The following SLC38A4 variants were observed in gnomAD, a reference collection of about 807,000 sequenced individuals.
SLC38A4 encodes sodium-coupled neutral amino acid transporter 4.
Under a neutral mutation model 63.1 loss-of-function variants are expected in SLC38A4, and 20 were observed. The ratio of observed to expected loss-of-function variants is 0.32; its 90% CI spans 0.22 to 0.46. SLC38A4 has a LOEUF of 0.46. Ranked by LOEUF, SLC38A4 falls within the 20% of genes least tolerant of loss-of-function variation. The probability of loss-of-function intolerance (pLI) is 1.00; values close to 1 mark genes in which losing one functional copy is unlikely to be tolerated. For missense variants in SLC38A4, 526 were observed against 663.6 expected (o/e 0.79, Z 2.28); for synonymous variants, 230 against 225.5 (o/e 1.02, Z -0.18).
At position 46,778,345 on chromosome 12, in the gene SLC38A4, T is replaced by C; in HGVS notation, c.1017A>G (p.Leu339=). The C allele has an allele frequency of 6.2e-7, 1 of 1,612,658 alleles. No individual in the cohort carries two copies. The highest frequency in any genetic ancestry group is 8.5e-7 in the Non-Finnish European group (1 of 1,179,152). The change falls in exon 12 of 17, where the codon CTA becomes CTG. Residue 339 remains leucine, a synonymous_variant. Coordinates refer to ENST00000266579, the MANE Select transcript of SLC38A4 (RefSeq NM_018018.5). ...CAGGGTGGCATACAAAAGCAAATAC[T>C]AGGATAGGAATTGCATAGGCCGTCT... ...NSRTAYAIPI[L]VFAFVCHPEV...
chr12:46,817,602 G>C (rs888419803), intron 1 of SLC38A4, among the ~76,000 whole-genome samples: 4 of 151,642 alleles, frequency 2.6e-5, no homozygotes, highest in Non-Finnish European at 2.9e-5. Context: ...CAGTTCTAAG[G>C]CCTTACCTGA....
chr12:46,813,048 T>G (rs1002102854), intron 1 of SLC38A4, among the ~76,000 whole-genome samples: 1 of 151,982 alleles, frequency 6.6e-6, no homozygotes, highest in African/African-American at 2.4e-5. Context: ...ATATCTATTA[T>G]GCACCCAGAA....
intron 13 of SLC38A4, among the ~76,000 whole-genome samples, chr12:46,775,383 G>A (rs960927186): frequency 6.6e-6 from 1 of 152,008 alleles, no homozygotes; most frequent in South Asian, 2.1e-4. Flanking sequence ...GTTGCAGAAG[G>A]TATAATACAA....
chr12:46,827,841 C>T (rs1172662727), upstream of SLC38A4, among the ~76,000 whole-genome samples: 3 of 152,138 alleles, frequency 2.0e-5, no homozygotes, highest in East Asian at 5.8e-4. Flanking sequence ...GTTTTAAATC[C>T]TAACATTAAA....
chr12:46,818,968 A>G (rs1939490834), intron 1 of SLC38A4, among the ~76,000 whole-genome samples: 1 of 151,796 alleles, frequency 6.6e-6, no homozygotes, highest in Non-Finnish European at 1.5e-5. Flanking sequence ...AAAATTAGGC[A>G]ACATATAGCC....
chr12:46,793,197 A>C lies in SLC38A4; in HGVS notation c.-112-14T>G. 1.6e-6 allele frequency: 1 copy of C among 632,200 alleles called. No individual in the cohort carries two copies. Among genetic ancestry groups the C allele is most frequent in the East Asian group, 2.7e-5 (1 of 37,358 alleles). 39.2% of individuals were successfully genotyped at this position (632,200 alleles called of 1,614,324 possible). A position where few individuals can be genotyped will look rare whatever the true frequency, so the allele number is the denominator to read the frequency against. ...GAACACTCTGTTCTGCAAACAGAAC[A>C]CAACATACATCATTATAATTTTATT... is the stretch of plus-strand genomic sequence containing the variant. On this transcript the variant is annotated splice_polypyrimidine_tract_variant and intron_variant, in intron 2 of 16. Transcript: ENST00000266579.
chr12:46,813,598 A>AT (rs1289995183), intron 1 of SLC38A4, among the ~76,000 whole-genome samples: 1 of 151,984 alleles, frequency 6.6e-6, no homozygotes, highest in Non-Finnish European at 1.5e-5. Context: ...GCACTGTAAC[A>AT]TATTTGTTTA....
intron 14 of SLC38A4, among the ~76,000 whole-genome samples, chr12:46,771,540 C>T (rs180408): frequency 2.0e-5 from 3 of 151,860 alleles, no homozygotes; most frequent in Non-Finnish European, 4.4e-5. Context: ...AAGTTTATGG[C>T]AATAATAGGT....
intron 7 of SLC38A4, among the ~76,000 whole-genome samples, chr12:46,783,390 G>A (rs1476214878): frequency 1.3e-5 from 2 of 151,892 alleles, no homozygotes; most frequent in African/African-American, 4.8e-5. Context: ...AAATAATAAA[G>A]GCATGCTGAA....
chr12:46,818,763 G>A (rs1939487306), intron 1 of SLC38A4, among the ~76,000 whole-genome samples: 1 of 151,774 alleles, frequency 6.6e-6, no homozygotes, highest in South Asian at 2.1e-4. Flanking sequence ...GTAGCCATGT[G>A]GGACAATTTT....
chr12:46,766,683 A>G lies in SLC38A4; in HGVS notation c.*18T>C, dbSNP rs1239028650. 6.7e-6 allele frequency: 10 copies of G among 1,488,898 alleles called. No homozygotes were observed. Among genetic ancestry groups the G allele is most frequent in the Non-Finnish European group, 9.3e-6 (10 of 1,069,726 alleles). 92.2% of individuals were successfully genotyped at this position (1,488,898 alleles called of 1,614,324 possible). On this transcript the variant is annotated 3_prime_UTR_variant, in exon 17 of 17. Transcript: ENST00000266579. Reference sequence around the variant, plus strand: ...TTGTAACCATTTCCAATAGAAAAAGAAAGTATTTTTCCTTGTGTTAGTGAT... The same window carrying G: ...TTGTAACCATTTCCAATAGAAAAAGGAAGTATTTTTCCTTGTGTTAGTGAT...
intron 13 of SLC38A4, 47 bp downstream of exon 13, chr12:46,776,857 G>A (rs1477125182): frequency 5.2e-6 from 8 of 1,545,958 alleles, no homozygotes; most frequent in Admixed American, 1.7e-5. Flanking sequence ...TCAAGGACCA[G>A]CCTAACAAGG....
chr12:46,786,459 A>G (rs1938763178), intron 5 of SLC38A4, among the ~76,000 whole-genome samples: 1 of 152,060 alleles, frequency 6.6e-6, no homozygotes. Context: ...AAAAAGTGGA[A>G]CATTCTTCTC....
Position 46,766,442 on chromosome 12 carries a change from C to T in SLC38A4, c.*259G>A, listed in dbSNP as rs188922991. On this transcript the variant is annotated 3_prime_UTR_variant, in exon 17 of 17. Coordinates refer to ENST00000266579, the MANE Select transcript of SLC38A4 (RefSeq NM_018018.5). The stretch of plus-strand genomic sequence containing the variant: ...TGCTCGTAAAGCAGCAAAAATACAC[C>T]TTCATCATCTCACACTGCTCTAGCA... 4.7e-5 allele frequency: 27 copies of T among 579,584 alleles called. 1 individual carries two copies. In the East Asian group the frequency reaches 1.0e-3, roughly 22 times the overall value. 35.9% of individuals were successfully genotyped at this position (579,584 alleles called of 1,614,324 possible).
chr12:46,778,074 C>G (rs1256813965), intron 12 of SLC38A4, among the ~76,000 whole-genome samples: 1 of 151,882 alleles, frequency 6.6e-6, no homozygotes, highest in African/African-American at 2.4e-5. Context: ...CTCCCCTGAA[C>G]CATTATGGTG....
intron 2 of SLC38A4, among the ~76,000 whole-genome samples, chr12:46,802,331 C>T (rs1241535265): frequency 1.3e-5 from 2 of 152,020 alleles, no homozygotes; most frequent in Non-Finnish European, 2.9e-5. Context: ...CTTAATCTGT[C>T]ATGAGTTCTG....
intron 2 of SLC38A4, among the ~76,000 whole-genome samples, chr12:46,794,669 G>T (rs563191008): frequency 6.6e-6 from 1 of 151,604 alleles, no homozygotes; most frequent in Middle Eastern, 3.2e-3. Flanking sequence ...ATTAAAAAAA[G>T]AAAAATACAA....
At chr12:46,820,901 T>C (rs2120920588) in intron 1 of SLC38A4, among the ~76,000 whole-genome samples, 1 of 152,256 alleles carries the variant, frequency 6.6e-6, no homozygotes, top group Non-Finnish European at 1.5e-5. Flanking sequence ...TTCATTGTGA[T>C]TTTAATTTGC....
chr12:46,766,092 A>C lies in SLC38A4; in HGVS notation c.*609T>G, dbSNP rs1229954935. 5.0e-6 allele frequency: 1 copy of C among 198,472 alleles called. No homozygotes were observed. Among genetic ancestry groups the C allele is most frequent in the African/African-American group, 2.4e-5 (1 of 42,496 alleles). 12.3% of individuals were successfully genotyped at this position (198,472 alleles called of 1,614,324 possible). On this transcript the variant is annotated 3_prime_UTR_variant, in exon 17 of 17. Transcript: ENST00000266579. ...AAAATCTATTGAATATAGAAGTCAC[A>C]ACTCAATGTCACAAACAGGGTGGGC... is the stretch of plus-strand genomic sequence containing the variant.
Sources: allele counts gnomAD v4.1 joint callset (sites outside exome capture counted in the v4.1 genomes callset), GRCh38; gene constraint gnomAD v4.1.1; transcripts MANE v1.5; gene names NCBI Gene and HGNC (gene_info 2026-07-23, HGNC 2026-07-21).